RABGAP1: variants seen among roughly 807,000 people sequenced by gnomAD.
RABGAP1 encodes rab GTPase-activating protein 1.
A neutral mutation model predicts 137.6 loss-of-function variants in RABGAP1; 23 were observed. The ratio of observed to expected loss-of-function variants is 0.17; its 90% CI spans 0.12 to 0.24. The LOEUF (loss-of-function observed/expected upper bound fraction) is 0.24, where lower values mean the gene tolerates loss of function less well. Among genes scored for constraint, RABGAP1 ranks in the 10% least tolerant of loss-of-function variants. RABGAP1 has a pLI of 1.00. For synonymous variants in RABGAP1, 451 were observed against 450.7 expected (o/e 1.00, Z -0.01); for missense variants, 906 against 1,275.8 (o/e 0.71, Z 4.42).
At chr9:123,063,663 C>T (rs1242826268) in intron 13 of RABGAP1, among the ~76,000 whole-genome samples, 6 of 152,182 alleles carry the variant, frequency 3.9e-5, no homozygotes, top group Non-Finnish European at 8.8e-5. Context: ...TGCTTATTTG[C>T]CATGTGTTAT....
chr9:123,034,467 C>T (rs2032497061), intron 13 of RABGAP1: 1 of 733,674 alleles, frequency 1.4e-6, no homozygotes, highest in Non-Finnish European at 2.3e-6. Flanking sequence ...GGCATTATTA[C>T]ACACATGCAA....
chr9:123,017,472 A>T (rs2031317373), intron 12 of RABGAP1, among the ~76,000 whole-genome samples: 1 of 152,060 alleles, frequency 6.6e-6, no homozygotes, highest in African/African-American at 2.4e-5. Context: ...TCTCTTCTTT[A>T]GTTCATTACA....
intron 13 of RABGAP1, among the ~76,000 whole-genome samples, chr9:123,044,897 C>T (rs1283082063): frequency 3.3e-5 from 5 of 152,002 alleles, no homozygotes; most frequent in Admixed American, 6.6e-5. Flanking sequence ...GTAAAGTATC[C>T]AGCTGGACAG....
intron 11 of RABGAP1, 110 bp from the exon 12 acceptor site, chr9:123,015,433 G>T (rs1357613717): frequency 6.9e-6 from 4 of 581,712 alleles, no homozygotes; most frequent in South Asian, 2.7e-5. Flanking sequence ...GAGAAATTAT[G>T]ACTTTATGCT....
chr9:122,970,798 A>G (rs752412126), intron 2 of RABGAP1, among the ~76,000 whole-genome samples: 1 of 152,224 alleles, frequency 6.6e-6, no homozygotes, highest in Non-Finnish European at 1.5e-5. Flanking sequence ...AGGAATTCCC[A>G]TTTTTGAAAA....
Position 123,098,778 on chromosome 9 carries a change from A to G in RABGAP1, c.2797A>G (p.Ile933Val), listed in dbSNP as rs2035258565. 1.9e-6 allele frequency: 3 copies of G among 1,613,566 alleles called. No homozygotes were observed. The highest frequency in any genetic ancestry group is 2.5e-6 in the Non-Finnish European group (3 of 1,179,662). Residue 933 changes from isoleucine (I) to valine (V), a missense_variant, in exon 23 of 26, where the codon ATC becomes GTC. This residue lies in a region of RABGAP1 where 193 missense variants were observed against 248.1 expected (regional missense o/e 0.78). Transcript: ENST00000373647. ...ATCTGAGATTAAAAAAAACAGTTCT[A>G]TCATTGGTGACTATAAGCAGGTAGG... Reference protein sequence around the residue: ...AESEIKKNSSIIGDYKQICSQ... With the variant: ...AESEIKKNSSVIGDYKQICSQ...
chr9:123,079,057 C>T (rs1238176168), intron 19 of RABGAP1, among the ~76,000 whole-genome samples: 3 of 152,074 alleles, frequency 2.0e-5, no homozygotes, highest in South Asian at 2.1e-4. Flanking sequence ...TGCAATTATA[C>T]GGATTTTCCT....
intron 2 of RABGAP1, among the ~76,000 whole-genome samples, chr9:122,966,791 CACA>C: frequency 6.6e-6 from 1 of 152,258 alleles, no homozygotes; most frequent in Non-Finnish European, 1.5e-5. Flanking sequence ...CTTACAGTTC[CACA>C]CATCTGGGGA....
At chr9:122,962,675 C>CA (rs1300629437) in intron 2 of RABGAP1, among the ~76,000 whole-genome samples, 1 of 151,690 alleles carries the variant, frequency 6.6e-6, no homozygotes, top group Non-Finnish European at 1.5e-5. Context: ...AATAGAGGCA[C>CA]AAAAAAGATA....
At chr9:122,999,263 A>G (rs1023089734) in intron 10 of RABGAP1, among the ~76,000 whole-genome samples, 1 of 152,012 alleles carries the variant, frequency 6.6e-6, no homozygotes, top group South Asian at 2.1e-4. Flanking sequence ...GGCTCACTGC[A>G]ACCTCCGCCT....
chr9:123,104,864 A>G lies in RABGAP1; in HGVS notation c.*1651A>G, dbSNP rs2035452271. 6.6e-6 allele frequency: 1 copy of G among 152,248 alleles called. No homozygotes were observed. 9.4% of individuals were successfully genotyped at this position (152,248 alleles called of 1,614,324 possible). On this transcript the variant is annotated 3_prime_UTR_variant, in exon 26 of 26. Transcript: ENST00000373647. ...ATTGATTAAATATTTTGGTACAAAC[A>G]AACAGCATTGCTTTGTAAAAACCAG...
chr9:123,052,479 A>G (rs1297326421), intron 13 of RABGAP1, among the ~76,000 whole-genome samples: 7 of 152,252 alleles, frequency 4.6e-5, no homozygotes, highest in Admixed American at 3.9e-4. Flanking sequence ...TAATTTATTC[A>G]GTAAGTTTTT....
intron 10 of RABGAP1, among the ~76,000 whole-genome samples, chr9:123,007,696 A>G (rs2030422093): frequency 6.6e-6 from 1 of 150,736 alleles, no homozygotes. Flanking sequence ...GATTACAGGC[A>G]TGAGCCATCA....
chr9:122,984,468 GT>G lies in RABGAP1; in HGVS notation c.151-16del. The G allele has an allele frequency of 6.2e-7, 1 of 1,604,650 alleles. No homozygotes were observed. The highest frequency in any genetic ancestry group is 8.5e-7 in the Non-Finnish European group (1 of 1,173,448). Reference sequence around the variant, plus strand: ...ATCTTTGTCACTTTGCTGATTGCATGTATTTGTGACCCTTAGATTGTAGGGA... The same window carrying G: ...ATCTTTGTCACTTTGCTGATTGCATGATTTGTGACCCTTAGATTGTAGGGA... On this transcript the variant is annotated splice_polypyrimidine_tract_variant and intron_variant, in intron 2 of 25. Transcript: ENST00000373647.
chr9:123,051,770 TTTTA>T (rs1457397423), intron 13 of RABGAP1, among the ~76,000 whole-genome samples: 1 of 149,804 alleles, frequency 6.7e-6, no homozygotes, highest in Non-Finnish European at 1.5e-5. Flanking sequence ...TTTTATTTTA[TTTTA>T]TTTTATTTTA....
intron 1 of RABGAP1, among the ~76,000 whole-genome samples, chr9:122,956,426 G>A (rs952668352): frequency 3.9e-5 from 6 of 152,082 alleles, no homozygotes; most frequent in Admixed American, 1.3e-4. Flanking sequence ...CGAGACCGGC[G>A]GATCACGAGG....
chr9:123,010,308 A>C, intron 10 of RABGAP1, 46 bp from the exon 11 acceptor site: 1 of 1,490,574 alleles, frequency 6.7e-7, no homozygotes, highest in Non-Finnish European at 9.1e-7. Flanking sequence ...AATTAAAAAC[A>C]TAAAGAACTT....
At chr9:123,089,682 T>C (rs2034979090) in intron 19 of RABGAP1, 76 bp from the exon 20 acceptor site, 1 of 1,143,040 alleles carries the variant, frequency 8.7e-7, no homozygotes, top group Non-Finnish European at 1.3e-6. Context: ...ACCAGAAGTC[T>C]TGGTCTTCAG....
intron 13 of RABGAP1, chr9:123,034,550 T>A: frequency 2.0e-6 from 3 of 1,535,008 alleles, no homozygotes; most frequent in Non-Finnish European, 2.7e-6. Flanking sequence ...AAGTGACAGA[T>A]CACTCCTGAG....
Sources: gnomAD v4.1 joint callset for allele counts (sites outside exome capture counted in the v4.1 genomes callset) on GRCh38, gnomAD v4.1.1 for gene constraint, gnomAD v4.1.1 regional missense constraint, MANE v1.5 for transcripts, NCBI Gene and HGNC (gene_info 2026-07-23, HGNC 2026-07-21) for gene names.